SAMD12: variants seen among roughly 807,000 people sequenced by gnomAD.
SAMD12 encodes sterile alpha motif domain-containing protein 12.
SAMD12 carries 9 observed loss-of-function variants against 15.0 expected under a neutral mutation model. The observed-to-expected ratio is 0.60, with a 90% confidence interval of 0.36 to 1.05. The LOEUF (loss-of-function observed/expected upper bound fraction) is 1.05, where lower values mean the gene tolerates loss of function less well. SAMD12 is among the 50% of genes least tolerant of loss of function. The probability of loss-of-function intolerance (pLI) is 0.01; values close to 1 mark genes in which losing one functional copy is unlikely to be tolerated. For missense variants in SAMD12, 230 were observed against 234.2 expected, an observed-to-expected ratio of 0.98 and a Z score of 0.12; for synonymous variants, 86 against 90.1, an observed-to-expected ratio of 0.96 and a Z score of 0.25.
chr8:118,523,453 G>C (rs1825447613), intron 2 of SAMD12, among the ~76,000 whole-genome samples: 1 of 152,086 alleles, frequency 6.6e-6, no homozygotes, highest in Admixed American at 6.6e-5. Context: ...GCCTATTTCT[G>C]TAAATCACAT....
chr8:118,268,815 A>G lies in SAMD12; in HGVS notation c.434-71083T>C, dbSNP rs559700404. ...AGCAACAAAGCCAGACTCTGTCTCA[A>G]AAAAAAGAACATGCTCCATAATTCT... On this transcript the variant is annotated intron_variant, in intron 4 of 4. Coordinates refer to the SAMD12 transcript ENST00000409003. Among the ~76,000 whole-genome samples the G allele has an allele frequency of 6.6e-4, 101 of 152,268 alleles. No homozygotes were observed. In the Middle Eastern group the frequency reaches 0.01, roughly 15 times the overall value.
chr8:118,456,790 A>C (rs1823266772), intron 2 of SAMD12, among the ~76,000 whole-genome samples: 2 of 152,254 alleles, frequency 1.3e-5, no homozygotes, highest in South Asian at 4.1e-4. Context: ...TAGTGTGAAT[A>C]ACACAAAAGA....
Position 118,570,323 on chromosome 8 carries a change from A to G in SAMD12, c.192+10392T>C, listed in dbSNP as rs191128919. On this transcript the variant is annotated intron_variant, in intron 2 of 3. Coordinates refer to ENST00000314727, the MANE Select transcript of SAMD12 (RefSeq NM_207506.3). ...TTATCACCCAGGTATTAAGCTTAGT[A>G]CCCATTAGATATCTTTCCCAATCCT... Among the ~76,000 whole-genome samples, 352 of 152,196 alleles carry G rather than the reference A, an allele frequency of 2.3e-3. 9 individuals are homozygous for G. The highest frequency in any genetic ancestry group is 0.021 in the Admixed American group (328 of 15,276).
intron 4 of SAMD12, among the ~76,000 whole-genome samples, chr8:118,293,917 C>CT (rs1480695330): frequency 6.6e-6 from 1 of 152,184 alleles, no homozygotes; most frequent in Non-Finnish European, 1.5e-5. Flanking sequence ...CAGAAGCCAG[C>CT]TCTAGCGAAC....
chr8:118,179,499 T>C, the SAMD12 span, among the ~76,000 whole-genome samples: 2 of 152,056 alleles, frequency 1.3e-5, no homozygotes, highest in Non-Finnish European at 2.9e-5. Flanking sequence ...TTAATGTGGT[T>C]GGCCAGGTAC....
intron 1 of SAMD12, among the ~76,000 whole-genome samples, chr8:118,582,746 T>C (rs1050095784): frequency 6.6e-6 from 1 of 152,312 alleles, no homozygotes; most frequent in African/African-American, 2.4e-5. Context: ...ACAAAAATCA[T>C]GGCCCATTTA....
At chr8:118,601,374 T>C (rs1827861911) in intron 1 of SAMD12, among the ~76,000 whole-genome samples, 1 of 152,218 alleles carries the variant, frequency 6.6e-6, no homozygotes, top group African/African-American at 2.4e-5. Flanking sequence ...TCTAAATATA[T>C]GATGTAGCTT....
At chr8:118,596,350 T>C (rs568489338) in intron 1 of SAMD12, among the ~76,000 whole-genome samples, 1 of 152,310 alleles carries the variant, frequency 6.6e-6, no homozygotes, top group East Asian at 1.9e-4. Flanking sequence ...CTGAAGTAAT[T>C]TGTCAACTCA....
intron 3 of SAMD12, among the ~76,000 whole-genome samples, chr8:118,386,700 C>T (rs999480634): frequency 3.9e-5 from 6 of 152,268 alleles, no homozygotes; most frequent in East Asian, 1.9e-4. Context: ...ACCATGTCTC[C>T]GACTTTCAAG....
chr8:118,474,954 G>C (rs1177080995), intron 2 of SAMD12, among the ~76,000 whole-genome samples: 1 of 152,040 alleles, frequency 6.6e-6, no homozygotes, highest in African/African-American at 2.4e-5. Flanking sequence ...AAAAGAACCT[G>C]CTGGCTGGGC....
intron 3 of SAMD12, among the ~76,000 whole-genome samples, chr8:118,423,249 T>C (rs1048474327): frequency 6.6e-6 from 1 of 152,192 alleles, no homozygotes; most frequent in African/African-American, 2.4e-5. Context: ...CAACCTATTC[T>C]TCTGATCCAT....
intron 2 of SAMD12, among the ~76,000 whole-genome samples, chr8:118,484,083 A>C (rs1824208348): frequency 6.6e-6 from 1 of 152,164 alleles, no homozygotes. Context: ...TGAGGACAAC[A>C]GAGTAGGGTA....
chr8:118,259,566 C>T (rs1292440811), intron 4 of SAMD12, among the ~76,000 whole-genome samples: 1 of 152,048 alleles, frequency 6.6e-6, no homozygotes, highest in African/African-American at 2.4e-5. Flanking sequence ...TTGAAAAATT[C>T]GCTTATGTGG....
intron 2 of SAMD12, among the ~76,000 whole-genome samples, chr8:118,454,788 CCT>C (rs927315900): frequency 2.0e-5 from 3 of 152,148 alleles, no homozygotes; most frequent in African/African-American, 7.2e-5. Context: ...ACAATAACTC[CCT>C]GTCCCCTTGT....
chr8:118,547,692 T>C lies in SAMD12; in HGVS notation c.192+33023A>G, dbSNP rs74519747. ...ACTGAATCACACTCACAGATTATTA[T>C]AGTATACATCCCAAACTTTGGTCAT... On this transcript the variant is annotated intron_variant, in intron 2 of 3. Transcript: ENST00000314727. Among the ~76,000 whole-genome samples, 1,001 of 152,310 alleles carry C rather than the reference T, an allele frequency of 6.6e-3. 13 individuals are homozygous for C. Among genetic ancestry groups the C allele is most frequent in the African/African-American group, 0.023 (958 of 41,564 alleles).
chr8:118,281,064 A>G (rs959450454), intron 4 of SAMD12, among the ~76,000 whole-genome samples: 1 of 151,764 alleles, frequency 6.6e-6, no homozygotes, highest in Non-Finnish European at 1.5e-5. Context: ...AATTTCAGAA[A>G]CAGCTAGTTG....
chr8:118,334,617 AC>A (rs1816966314), intron 4 of SAMD12, among the ~76,000 whole-genome samples: 1 of 152,146 alleles, frequency 6.6e-6, no homozygotes, highest in Non-Finnish European at 1.5e-5. Flanking sequence ...TGTTTTTGAG[AC>A]AGGGTCTCAT....
chr8:118,176,516 A>G, the SAMD12 span, among the ~76,000 whole-genome samples: 1 of 152,172 alleles, frequency 6.6e-6, no homozygotes, highest in Admixed American at 6.5e-5. Context: ...CTTTGCAGCA[A>G]CATGCATGGA....
chr8:118,296,303 T>C (rs1563742015), intron 4 of SAMD12, among the ~76,000 whole-genome samples: 2 of 152,216 alleles, frequency 1.3e-5, no homozygotes, highest in African/African-American at 2.4e-5. Context: ...ATTTCTTCAA[T>C]GCACAATGCT....
Sources: allele counts gnomAD v4.1 joint callset (sites outside exome capture counted in the v4.1 genomes callset), GRCh38; gene constraint gnomAD v4.1.1; transcripts MANE v1.5; gene names NCBI Gene and HGNC (gene_info 2026-07-23, HGNC 2026-07-21).